Variants in TRPM3 observed in about 807,000 individuals in gnomAD.
TRPM3 encodes transient receptor potential cation channel subfamily M member 3, also known as long transient receptor potential channel 3.
TRPM3 carries 77 observed loss-of-function variants against 181.2 expected under a neutral mutation model. The ratio of observed to expected loss-of-function variants is 0.42; its 90% CI spans 0.35 to 0.51. TRPM3 has a LOEUF of 0.51. TRPM3 is among the 20% of genes least tolerant of loss of function. The pLI is 0.01. For missense variants in TRPM3, 1,759 were observed against 2,196.7 expected (o/e 0.80, Z 3.98); for synonymous variants, 745 against 796.4 (o/e 0.94, Z 1.09).
chr9:71,258,168 T>G (rs2082791823), intron 1 of TRPM3, among the ~76,000 whole-genome samples: 1 of 152,230 alleles, frequency 6.6e-6, no homozygotes, highest in African/African-American at 2.4e-5. Flanking sequence ...CTCATTTATG[T>G]ACCAGGCTCT....
At chr9:71,277,838 G>A (rs2084344971) in intron 1 of TRPM3, among the ~76,000 whole-genome samples, 1 of 152,122 alleles carries the variant, frequency 6.6e-6, no homozygotes, top group South Asian at 2.1e-4. Context: ...GTTAAGCATC[G>A]CACTCCACAC....
chr9:70,628,096 G>T (rs1056511159), intron 12 of TRPM3, among the ~76,000 whole-genome samples: 1 of 152,144 alleles, frequency 6.6e-6, no homozygotes, highest in African/African-American at 2.4e-5. Context: ...ATTATTTTGG[G>T]GCAGGCTAAC....
At position 70,646,901 on chromosome 9, in the gene TRPM3, T is replaced by C. The variant is rs540846099; in HGVS notation, c.1346-6241A>G. On this transcript the variant is annotated intron_variant, in intron 9 of 25. Coordinates refer to ENST00000677713, the MANE Select transcript of TRPM3 (RefSeq NM_001366145.2). ...AAAAAAAAAAAAAAAACCCTCAGAG[T>C]CTATTAGGGACACCTCTATGCACAA... is the stretch of plus-strand genomic sequence containing the variant. 6.3e-4 allele frequency among the ~76,000 whole-genome samples: 89 copies of C among 141,034 alleles called. 2 individuals are homozygous for C. The highest frequency in any genetic ancestry group is 3.0e-4 in the Non-Finnish European group (20 of 65,668). The allele number at this position is 141,034 out of a possible 152,430, so 92.5% of individuals were successfully genotyped here.
intron 1 of TRPM3, among the ~76,000 whole-genome samples, chr9:71,201,583 T>C (rs1338706086): frequency 6.6e-6 from 1 of 152,208 alleles, no homozygotes; most frequent in Non-Finnish European, 1.5e-5. Context: ...CTTTTTATTC[T>C]TTTTTCTCTA....
intron 1 of TRPM3, among the ~76,000 whole-genome samples, chr9:71,209,755 T>C (rs1210972778): frequency 6.6e-6 from 1 of 152,188 alleles, no homozygotes; most frequent in Admixed American, 6.5e-5. Flanking sequence ...AAAAGAAGAA[T>C]GTTTCATGGT....
At chr9:71,149,046 T>A (rs1032146797) in intron 1 of TRPM3, among the ~76,000 whole-genome samples, 1 of 151,902 alleles carries the variant, frequency 6.6e-6, no homozygotes, top group African/African-American at 2.4e-5. Flanking sequence ...AAAGATTAGA[T>A]CTAATAAAAT....
At chr9:70,788,226 T>C (rs1367379629) in intron 6 of TRPM3, among the ~76,000 whole-genome samples, 1 of 138,354 alleles carries the variant, frequency 7.2e-6, no homozygotes, top group Non-Finnish European at 1.5e-5. Flanking sequence ...CGTGTTCTCA[T>C]TGTTCAATTC....
intron 5 of TRPM3, chr9:70,842,772 T>C (rs2094762220): frequency 8.5e-6 from 4 of 467,858 alleles, no homozygotes. Context: ...AGGGGGTAGG[T>C]GGTAAGTCTT....
At chr9:71,028,248 T>C (rs2056832953) in intron 1 of TRPM3, among the ~76,000 whole-genome samples, 1 of 152,282 alleles carries the variant, frequency 6.6e-6, no homozygotes, top group African/African-American at 2.4e-5. Context: ...AATAAGGTCC[T>C]TTTCAGACAA....
At chr9:70,618,518 G>A (rs758422865) in intron 17 of TRPM3, among the ~76,000 whole-genome samples, 1 of 152,192 alleles carries the variant, frequency 6.6e-6, no homozygotes, top group African/African-American at 2.4e-5. Flanking sequence ...CCTCTGCAGC[G>A]ACAAGGTGGC....
At chr9:71,077,043 A>C (rs2063559649) in intron 1 of TRPM3, among the ~76,000 whole-genome samples, 1 of 152,202 alleles carries the variant, frequency 6.6e-6, no homozygotes, top group Admixed American at 6.5e-5. Context: ...TTAACAGGTT[A>C]TAGTCTTTCT....
intron 1 of TRPM3, among the ~76,000 whole-genome samples, chr9:71,221,020 G>A (rs2080208742): frequency 6.6e-6 from 1 of 152,122 alleles, no homozygotes; most frequent in Admixed American, 6.5e-5. Flanking sequence ...GAGCATTACT[G>A]GGATCACTGG....
At chr9:70,603,106 G>A (rs760487739) in intron 20 of TRPM3, among the ~76,000 whole-genome samples, 1 of 152,164 alleles carries the variant, frequency 6.6e-6, no homozygotes, top group Non-Finnish European at 1.5e-5. Context: ...TGGGACAAAG[G>A]CTACGTTAGC....
At chr9:70,862,407 C>T (rs539871880) in intron 3 of TRPM3, among the ~76,000 whole-genome samples, 2 of 152,222 alleles carry the variant, frequency 1.3e-5, no homozygotes, top group East Asian at 3.9e-4. Flanking sequence ...AGAAAAAGCA[C>T]TTAATTTCGA....
At chr9:71,175,751 G>A (rs1367527796) in intron 1 of TRPM3, among the ~76,000 whole-genome samples, 1 of 152,104 alleles carries the variant, frequency 6.6e-6, no homozygotes, top group Non-Finnish European at 1.5e-5. Flanking sequence ...GATAGATTAG[G>A]CATTAAAAAA....
intron 1 of TRPM3, among the ~76,000 whole-genome samples, chr9:71,430,886 C>T (rs1414438394): frequency 1.3e-5 from 2 of 152,104 alleles, no homozygotes; most frequent in African/African-American, 4.8e-5. Flanking sequence ...TCTTCTTTCG[C>T]CCATTGATTC....
At chr9:71,415,718 C>G (rs1005788377) in intron 1 of TRPM3, among the ~76,000 whole-genome samples, 1 of 151,966 alleles carries the variant, frequency 6.6e-6, no homozygotes, top group Non-Finnish European at 1.5e-5. Context: ...CTCAATGGAA[C>G]AGTTTTCTAT....
rs983661821 is a variant in TRPM3, at chr9:71,095,343, T to C, written c.177+25835A>G. 9.9e-5 allele frequency among the ~76,000 whole-genome samples: 15 copies of C among 151,028 alleles called. 1 individual carries two copies. Among genetic ancestry groups the C allele is most frequent in the Admixed American group, 6.6e-5 (1 of 15,082 alleles). ...AGATTCCCTTCTTTTTCTTCTCTCA[T>C]GAAAGAACATGAGATTGAGAGGTGA... On this transcript the variant is annotated intron_variant, in intron 1 of 25. Transcript: ENST00000677713.
intron 1 of TRPM3, among the ~76,000 whole-genome samples, chr9:71,137,806 T>C (rs1042820753): frequency 3.9e-5 from 6 of 152,272 alleles, no homozygotes; most frequent in Admixed American, 2.0e-4. Flanking sequence ...TGAAAATATA[T>C]GTTAAGGTAA....
Sources: gnomAD v4.1 joint callset for allele counts (sites outside exome capture counted in the v4.1 genomes callset) on GRCh38, gnomAD v4.1.1 for gene constraint, MANE v1.5 for transcripts, NCBI Gene and HGNC (gene_info 2026-07-23, HGNC 2026-07-21) for gene names.